Variants in PIEZO2 observed in about 807,000 individuals in gnomAD.
PIEZO2 encodes piezo-type mechanosensitive ion channel component 2.
In PIEZO2, 172 loss-of-function variants were observed where a neutral mutation model predicts 337.3. That is an observed-to-expected ratio of 0.51 (90% confidence interval 0.45 to 0.58). PIEZO2 has a LOEUF of 0.58. PIEZO2 is among the 20% of genes least tolerant of loss of function. The pLI is 0.00. For missense variants in PIEZO2, 3,028 were observed against 3,391.3 expected (o/e 0.89, Z 2.66); for synonymous variants, 1,251 against 1,228.5 (o/e 1.02, Z -0.38).
Position 10,830,460 on chromosome 18 carries a change from C to A in PIEZO2, c.918-23186G>T, listed in dbSNP as rs761615746. 1.2e-4 allele frequency among the ~76,000 whole-genome samples: 18 copies of A among 151,768 alleles called. No homozygotes were observed. The highest frequency in any genetic ancestry group is 5.8e-4 in the East Asian group (3 of 5,148). ...TTATTGAAGAGACTGTCCTTTCCCC[C>A]CTTTTATGCCTCTGGTTGCACTTGA... On this transcript the variant is annotated intron_variant, in intron 7 of 55. Coordinates refer to ENST00000674853, the MANE Select transcript of PIEZO2 (RefSeq NM_001378183.1). This position sits in a 1 kb window ranked among gnomAD's most constrained non-coding sequence, Gnocchi z 4.7.
intron 4 of PIEZO2, chr18:10,890,714 G>A (rs1488239486): frequency 6.6e-6 from 1 of 151,778 alleles, no homozygotes; most frequent in Admixed American, 6.6e-5. Flanking sequence ...GACACATGGG[G>A]ATTATGGGAA....
chr18:10,691,472 A>G lies in PIEZO2; in HGVS notation c.7191-89T>C, dbSNP rs2034824218. 3.0e-6 allele frequency: 4 copies of G among 1,343,492 alleles called. No homozygotes were observed. In the South Asian group the frequency reaches 4.2e-5, roughly 14 times the overall value. The allele number at this position is 1,343,492 out of a possible 1,614,324, so 83.2% of individuals were successfully genotyped here. ...TGTCAAATTAAAACAACAGGCCAACAGAATTTCCCCTTCATCATTCCAACT... is the reference window on the plus strand; with the variant it reads ...TGTCAAATTAAAACAACAGGCCAACGGAATTTCCCCTTCATCATTCCAACT... On this transcript the variant is annotated intron_variant, in intron 47 of 55. Coordinates refer to ENST00000674853, the MANE Select transcript of PIEZO2 (RefSeq NM_001378183.1).
intron 47 of PIEZO2, among the ~76,000 whole-genome samples, chr18:10,692,752 C>T (rs2034906996): frequency 6.6e-6 from 1 of 152,208 alleles, no homozygotes; most frequent in South Asian, 2.1e-4. Flanking sequence ...CTACACCTCA[C>T]TGCTTGATCA....
At chr18:10,810,084 A>G (rs542502856) in intron 7 of PIEZO2, among the ~76,000 whole-genome samples, 9 of 152,216 alleles carry the variant, frequency 5.9e-5, no homozygotes, top group Non-Finnish European at 1.3e-4. Context: ...CTGATAATGT[A>G]TACAAATGTA....
Position 10,691,254 on chromosome 18 carries a change from G to A in PIEZO2, c.7320C>T (p.Tyr2440=). 1 of 1,613,964 alleles carries A rather than the reference G, an allele frequency of 6.2e-7. No homozygotes were observed. The highest frequency in any genetic ancestry group is 8.5e-7 in the Non-Finnish European group (1 of 1,179,986). ...GGAATAAGAAGAGGTTGACGTAATT[G>A]TAGCTCTTGGTGAGGAAGTTCCCCA... ...RVLGNFLTKS[Y]NYVNLFLFQG... The change falls in exon 48 of 56, where the codon TAC becomes TAT. Residue 2440 remains tyrosine, a synonymous_variant. Transcript: ENST00000674853.
intron 36 of PIEZO2, among the ~76,000 whole-genome samples, chr18:10,725,763 C>A (rs2036510240): frequency 6.6e-6 from 1 of 152,226 alleles, no homozygotes; most frequent in African/African-American, 2.4e-5. Context: ...CCCTGACAGG[C>A]CAGAGGGAGA....
chr18:11,071,264 G>A (rs2038328460), intron 1 of PIEZO2, among the ~76,000 whole-genome samples: 1 of 152,138 alleles, frequency 6.6e-6, no homozygotes, highest in African/African-American at 2.4e-5. Context: ...TGATCTGCAA[G>A]AACAAGAACA....
At chr18:11,106,117 T>C (rs1048434946) in intron 1 of PIEZO2, among the ~76,000 whole-genome samples, 1 of 152,152 alleles carries the variant, frequency 6.6e-6, no homozygotes, top group African/African-American at 2.4e-5. Flanking sequence ...AGACGGCATC[T>C]GGCTCTGTCG....
Position 10,760,990 on chromosome 18 carries a change from G to C in PIEZO2, c.3371C>G (p.Thr1124Arg). ...PVSRTIFHDI[T>R]RLHLDDGLIN... ...AAGTCCATCATCTAGATGTAGTCTT[G>C]TAATGTCATGAAAGATAGTTCTAGA... The change falls in exon 24 of 56, where the codon ACA (threonine) becomes AGA (arginine). Residue 1124 changes from threonine to arginine, a missense_variant. Coordinates refer to ENST00000674853, the MANE Select transcript of PIEZO2 (RefSeq NM_001378183.1). 1 of 1,533,504 alleles carries C rather than the reference G, an allele frequency of 6.5e-7. No homozygotes were observed. The highest frequency in any genetic ancestry group is 2.4e-5 in the East Asian group (1 of 40,894). The allele number at this position is 1,533,504 out of a possible 1,614,324, so 95.0% of individuals were successfully genotyped here.
chr18:10,937,667 C>T (rs778181297), intron 3 of PIEZO2, among the ~76,000 whole-genome samples: 3 of 152,158 alleles, frequency 2.0e-5, no homozygotes, highest in African/African-American at 7.2e-5. Flanking sequence ...CTTCATTCCT[C>T]TCATTCCCCT....
intron 49 of PIEZO2, among the ~76,000 whole-genome samples, chr18:10,684,080 CCT>C (rs2034404026): frequency 2.2e-4 from 2 of 9,004 alleles, no homozygotes. Context: ...CTTCCTTTTT[CCT>C]TCCTTCCTTC....
chr18:10,973,135 T>A lies in PIEZO2; in HGVS notation c.286+6400A>T, dbSNP rs1054922206. 6.6e-6 allele frequency among the ~76,000 whole-genome samples: 1 copy of A among 152,202 alleles called. No homozygotes were observed. Among genetic ancestry groups the A allele is most frequent in the Non-Finnish European group, 1.5e-5 (1 of 68,040 alleles). On this transcript the variant is annotated intron_variant, in intron 3 of 55. Coordinates refer to ENST00000674853, the MANE Select transcript of PIEZO2 (RefSeq NM_001378183.1). The surrounding 1 kb of genome is among the most constrained non-coding windows in gnomAD (Gnocchi z 4.9). ...TCTATTTGAAAACTGCTGCATAAAG[T>A]GAGCATCCATATCTATTACTAAAGG... is the stretch of plus-strand genomic sequence containing the variant.
chr18:10,965,481 C>T (rs1288236794), intron 3 of PIEZO2, among the ~76,000 whole-genome samples: 2 of 152,108 alleles, frequency 1.3e-5, no homozygotes, highest in African/African-American at 2.4e-5. Flanking sequence ...AGGCTCAAAG[C>T]GTTCAGAGGC....
intron 3 of PIEZO2, among the ~76,000 whole-genome samples, chr18:10,968,556 A>T (rs183819886): frequency 5.9e-5 from 9 of 151,946 alleles, no homozygotes; most frequent in African/African-American, 2.2e-4. Context: ...GTTACTTCTT[A>T]ACAATAGTTT....
chr18:10,814,926 C>T (rs960026253), intron 7 of PIEZO2, among the ~76,000 whole-genome samples: 1 of 152,120 alleles, frequency 6.6e-6, no homozygotes, highest in Non-Finnish European at 1.5e-5. Flanking sequence ...AAGAGTTCAA[C>T]CTTACGGATT....
At chr18:10,992,467 A>G (rs1372685739) in intron 2 of PIEZO2, among the ~76,000 whole-genome samples, 7 of 152,112 alleles carry the variant, frequency 4.6e-5, no homozygotes, top group Non-Finnish European at 1.0e-4. Flanking sequence ...AGTTTTCCCA[A>G]CACCACTTAT....
intron 22 of PIEZO2, 100 bp downstream of exon 22, chr18:10,762,822 C>A: frequency 7.1e-7 from 1 of 1,401,876 alleles, no homozygotes; most frequent in East Asian, 2.5e-5. Flanking sequence ...GACTTACAAG[C>A]CAGGTCAGGC....
chr18:10,926,421 GT>G (rs539050701), intron 3 of PIEZO2, among the ~76,000 whole-genome samples: 6 of 152,220 alleles, frequency 3.9e-5, no homozygotes, highest in Admixed American at 1.3e-4. Flanking sequence ...CATATTTTTG[GT>G]GACTATCTTA....
chr18:10,701,182 T>C (rs1172421361), intron 43 of PIEZO2, among the ~76,000 whole-genome samples: 1 of 152,216 alleles, frequency 6.6e-6, no homozygotes, highest in Non-Finnish European at 1.5e-5. Flanking sequence ...AAGACAAGGT[T>C]AAGACGAGGG....
Sources: allele counts gnomAD v4.1 joint callset (sites outside exome capture counted in the v4.1 genomes callset), GRCh38; gene constraint gnomAD v4.1.1; non-coding constraint Gnocchi (gnomAD v3.1); transcripts MANE v1.5; gene names NCBI Gene and HGNC (gene_info 2026-07-23, HGNC 2026-07-21).